The following KIAA1328 variants were observed in gnomAD, a reference collection of about 807,000 sequenced individuals.
KIAA1328 encodes the protein KIAA1328, also known as protein hinderin.
Under a neutral mutation model 68.1 loss-of-function variants are expected in KIAA1328, and 52 were observed. The observed-to-expected ratio is 0.76, with a 90% confidence interval of 0.61 to 0.96. KIAA1328 has a LOEUF of 0.96. Among genes scored for constraint, KIAA1328 ranks in the 40% least tolerant of loss-of-function variants. The pLI, the probability that KIAA1328 is intolerant of heterozygous loss-of-function variation, is 0.00. For synonymous variants in KIAA1328, 232 were observed against 239.4 expected (o/e 0.97, Z 0.28); for missense variants, 641 against 677.6 (o/e 0.95, Z 0.60).
intron 6 of KIAA1328, among the ~76,000 whole-genome samples, chr18:37,052,370 TAC>T (rs2055733451): frequency 6.6e-6 from 1 of 151,976 alleles, no homozygotes; most frequent in South Asian, 2.1e-4. Flanking sequence ...TTACGACAAA[TAC>T]ACCGCAAACA....
chr18:36,941,373 C>T (rs72888916), intron 5 of KIAA1328, among the ~76,000 whole-genome samples: 20,704 of 151,826 alleles, frequency 0.14, 1,763 homozygotes, highest in Admixed American at 0.18. Context: ...GGTGGACTGC[C>T]GACTTGAGAT....
intron 6 of KIAA1328, among the ~76,000 whole-genome samples, chr18:37,051,244 CAT>C (rs1376889073): frequency 1.4e-5 from 2 of 139,118 alleles, no homozygotes; most frequent in Admixed American, 7.1e-5. Context: ...AAAAAAAAAA[CAT>C]ATAAAAAGGG....
chr18:36,850,433 A>G (rs2047174720), intron 4 of KIAA1328, among the ~76,000 whole-genome samples: 2 of 152,062 alleles, frequency 1.3e-5, no homozygotes, highest in Admixed American at 1.3e-4. Flanking sequence ...AGTCTCCCTT[A>G]TCAGGGAATA....
At chr18:36,990,584 T>C (rs911297012) in intron 6 of KIAA1328, among the ~76,000 whole-genome samples, 2 of 151,884 alleles carry the variant, frequency 1.3e-5, no homozygotes, top group African/African-American at 4.8e-5. Flanking sequence ...GGCAGGAGAA[T>C]TGCTTGAACC....
chr18:37,144,912 A>G (rs1167661321), intron 7 of KIAA1328, among the ~76,000 whole-genome samples: 1 of 151,808 alleles, frequency 6.6e-6, no homozygotes, highest in African/African-American at 2.4e-5. Flanking sequence ...TTATCCTGTG[A>G]TTTTTCTTTA....
chr18:36,966,605 G>A (rs1419204934), intron 6 of KIAA1328, among the ~76,000 whole-genome samples: 1 of 152,134 alleles, frequency 6.6e-6, no homozygotes, highest in Non-Finnish European at 1.5e-5. Flanking sequence ...CACAAAAAAA[G>A]GTGATGGAAC....
At chr18:37,107,780 C>A (rs1365503253) in intron 7 of KIAA1328, among the ~76,000 whole-genome samples, 1 of 151,920 alleles carries the variant, frequency 6.6e-6, no homozygotes, top group East Asian at 1.9e-4. Context: ...TTAGGATTTT[C>A]TAGTTATAGA....
chr18:36,870,860 T>C (rs561487128), intron 4 of KIAA1328, among the ~76,000 whole-genome samples: 2 of 152,356 alleles, frequency 1.3e-5, no homozygotes, highest in South Asian at 4.1e-4. Flanking sequence ...TTGTAGAATG[T>C]TCTTTAATAC....
At chr18:36,899,912 G>A (rs2048983446) in intron 5 of KIAA1328, among the ~76,000 whole-genome samples, 1 of 151,772 alleles carries the variant, frequency 6.6e-6, no homozygotes, top group East Asian at 1.9e-4. Context: ...TATATTGCAA[G>A]AAAATCCAGC....
At chr18:37,157,666 C>T (rs949983278) in intron 7 of KIAA1328, among the ~76,000 whole-genome samples, 12 of 151,646 alleles carry the variant, frequency 7.9e-5, no homozygotes, top group South Asian at 4.2e-4. Context: ...AAAAATTAGC[C>T]GGACATGGTG....
intron 5 of KIAA1328, among the ~76,000 whole-genome samples, chr18:36,913,208 G>A (rs2049526216): frequency 6.6e-6 from 1 of 151,896 alleles, no homozygotes; most frequent in South Asian, 2.1e-4. Context: ...CAGTGTTTCT[G>A]TTTATGTAAT....
At chr18:36,919,234 A>G (rs2049827752) in intron 5 of KIAA1328, among the ~76,000 whole-genome samples, 2 of 152,192 alleles carry the variant, frequency 1.3e-5, no homozygotes, top group African/African-American at 4.8e-5. Flanking sequence ...TATGGTCACA[A>G]AACTCTCTTA....
At chr18:36,848,194 T>A (rs1307041366) in intron 4 of KIAA1328, among the ~76,000 whole-genome samples, 1 of 151,632 alleles carries the variant, frequency 6.6e-6, no homozygotes, top group African/African-American at 2.4e-5. Context: ...GTCTTTCAAT[T>A]TACAAAAAGT....
intron 6 of KIAA1328, among the ~76,000 whole-genome samples, chr18:37,062,452 G>GT (rs2056185688): frequency 7.1e-6 from 1 of 140,040 alleles, no homozygotes; most frequent in Non-Finnish European, 1.5e-5. Flanking sequence ...TTTGTTTTTT[G>GT]TTTTTGTTTT....
Position 37,222,112 on chromosome 18 carries a change from A to C in KIAA1328, c.1619A>C (p.Asn540Thr), listed in dbSNP as rs776950965. ...RYPSREAGAW[N>T]HGTFRLSPLK... ...CCCTCCAGAGAAGCTGGGGCCTGGA[A>C]TCATGGTACTTTCCGACTCAGTCCT... Residue 540 changes from asparagine (N) to threonine (T), a missense_variant, in exon 10 of 10, where the codon AAT becomes ACT. Physicochemically the swap from Asn to Thr is moderately conservative, Grantham distance 65. Coordinates refer to ENST00000280020, the MANE Select transcript of KIAA1328 (RefSeq NM_020776.3). 1 of 1,613,472 alleles carries C rather than the reference A, an allele frequency of 6.2e-7. No homozygotes were observed. Among genetic ancestry groups the C allele is most frequent in the East Asian group, 2.2e-5 (1 of 44,870 alleles).
chr18:37,164,770 G>T (rs1368859470), intron 8 of KIAA1328, among the ~76,000 whole-genome samples: 1 of 151,984 alleles, frequency 6.6e-6, no homozygotes, highest in Admixed American at 6.6e-5. Context: ...AAATAAAAAA[G>T]TGCTGCCTTA....
chr18:36,849,963 T>A (rs1472007939), intron 4 of KIAA1328, among the ~76,000 whole-genome samples: 3 of 152,138 alleles, frequency 2.0e-5, no homozygotes, highest in Non-Finnish European at 2.9e-5. Context: ...AAAAATCTTT[T>A]CATGTGCTTT....
intron 5 of KIAA1328, among the ~76,000 whole-genome samples, chr18:36,893,052 CAA>C (rs2048741976): frequency 6.6e-6 from 1 of 151,914 alleles, no homozygotes; most frequent in Non-Finnish European, 1.5e-5. Context: ...AAAAAAAAGT[CAA>C]AATTATTTTT....
chr18:37,076,695 A>G (rs1017462517), intron 7 of KIAA1328, among the ~76,000 whole-genome samples: 2 of 151,886 alleles, frequency 1.3e-5, no homozygotes, highest in Non-Finnish European at 2.9e-5. Context: ...CTCAGAGACT[A>G]CTACAAACAC....
Sources: gnomAD v4.1 joint callset for allele counts (sites outside exome capture counted in the v4.1 genomes callset) on GRCh38, gnomAD v4.1.1 for gene constraint, MANE v1.5 for transcripts, NCBI Gene and HGNC (gene_info 2026-07-23, HGNC 2026-07-21) for gene names.